Variants in TMTC2 observed in about 807,000 individuals in gnomAD.
TMTC2 encodes the protein protein O-mannosyl-transferase TMTC2.
A neutral mutation model predicts 82.4 loss-of-function variants in TMTC2; 43 were observed. That is an observed-to-expected ratio of 0.52 (90% CI 0.41 to 0.67). The LOEUF (loss-of-function observed/expected upper bound fraction) is 0.67, where lower values mean the gene tolerates loss of function less well. Ranked by LOEUF, TMTC2 falls within the 30% of genes least tolerant of loss-of-function variation. TMTC2 has a pLI of 0.00. For synonymous variants in TMTC2, 408 were observed against 381.9 expected (o/e 1.07, Z -0.80); for missense variants, 919 against 1,012.4 (o/e 0.91, Z 1.25).
intron 11 of TMTC2, among the ~76,000 whole-genome samples, chr12:83,130,626 T>C (rs1885231385): frequency 6.6e-6 from 1 of 152,186 alleles, no homozygotes; most frequent in South Asian, 2.1e-4. Flanking sequence ...CATATGTAGC[T>C]ATTGAAATCA....
chr12:82,958,556 A>C (rs1337664675), intron 4 of TMTC2, among the ~76,000 whole-genome samples: 1 of 152,092 alleles, frequency 6.6e-6, no homozygotes, highest in Non-Finnish European at 1.5e-5. Context: ...GTGATTCGCC[A>C]CATAAGTAAA....
intron 1 of TMTC2, 70 bp downstream of exon 1, chr12:82,687,739 C>T (rs1453650631): frequency 4.8e-6 from 7 of 1,462,844 alleles, no homozygotes; most frequent in Non-Finnish European, 6.6e-6. Context: ...AAGCTTCCCT[C>T]TTTAAGGCTC....
intron 11 of TMTC2, among the ~76,000 whole-genome samples, chr12:83,077,428 A>T (rs1165220855): frequency 6.6e-6 from 1 of 152,140 alleles, no homozygotes; most frequent in South Asian, 2.1e-4. Context: ...TCTAATTTTC[A>T]TCAAACCTAC....
At chr12:82,951,722 G>GT (rs1877356771) in intron 4 of TMTC2, among the ~76,000 whole-genome samples, 1 of 152,122 alleles carries the variant, frequency 6.6e-6, no homozygotes, top group Non-Finnish European at 1.5e-5. Flanking sequence ...TTTAAAATAT[G>GT]TATTCAATTA....
intron 8 of TMTC2, among the ~76,000 whole-genome samples, chr12:82,990,526 G>C (rs1411710399): frequency 6.6e-6 from 1 of 151,992 alleles, no homozygotes; most frequent in Admixed American, 6.6e-5. Flanking sequence ...TTTCTTCCGT[G>C]AAGTCTTGCC....
chr12:82,885,945 A>AAT (rs1873077223), intron 2 of TMTC2, among the ~76,000 whole-genome samples: 1 of 152,154 alleles, frequency 6.6e-6, no homozygotes, highest in Admixed American at 6.6e-5. Context: ...GAGGTTGGAG[A>AAT]ATATATATAA....
chr12:83,108,602 C>G (rs1175747193), intron 11 of TMTC2, among the ~76,000 whole-genome samples: 2 of 151,356 alleles, frequency 1.3e-5, no homozygotes, highest in African/African-American at 4.9e-5. Context: ...TGCACTCCAG[C>G]CTGGGTGACA....
chr12:82,910,277 T>C (rs1455533247), intron 3 of TMTC2, among the ~76,000 whole-genome samples: 1 of 152,192 alleles, frequency 6.6e-6, no homozygotes, highest in Non-Finnish European at 1.5e-5. Context: ...TTAGAAATCT[T>C]ACTGAAATGG....
chr12:83,061,787 G>T lies in TMTC2; in HGVS notation c.2287G>T (p.Ala763Ser). The T allele has an allele frequency of 6.3e-7, 1 of 1,595,572 alleles. No individual in the cohort carries two copies. Among genetic ancestry groups the T allele is most frequent in the South Asian group, 1.2e-5 (1 of 85,978 alleles). Residue 763 changes from alanine to serine, a missense_variant, in exon 11 of 12, where the codon GCA (alanine) becomes TCA (serine). Coordinates refer to ENST00000321196, the MANE Select transcript of TMTC2 (RefSeq NM_152588.3). ...HMLRQASLNE[A>S]AEKYYDLAAR... ...TTACAGACAGGCTAGCCTCAATGAA[G>T]CAGCTGAGAAGTATTATGATCTGGC...
chr12:82,935,847 G>C (rs1248351113), intron 4 of TMTC2, among the ~76,000 whole-genome samples: 1 of 151,866 alleles, frequency 6.6e-6, no homozygotes, highest in Non-Finnish European at 1.5e-5. Flanking sequence ...AAGAATCTTA[G>C]TAAATATCCA....
intron 9 of TMTC2, among the ~76,000 whole-genome samples, chr12:83,032,126 C>A (rs1881452260): frequency 6.6e-6 from 1 of 151,766 alleles, no homozygotes; most frequent in Admixed American, 6.6e-5. Context: ...TAAAAGGCTG[C>A]CTGTCATTGC....
intron 11 of TMTC2, among the ~76,000 whole-genome samples, chr12:83,073,890 G>A (rs1019740334): frequency 1.3e-5 from 2 of 151,996 alleles, no homozygotes; most frequent in Non-Finnish European, 2.9e-5. Flanking sequence ...TCTTATATCA[G>A]TTTTTGGATT....
chr12:82,982,969 ACG>A (rs1878991346), intron 7 of TMTC2, among the ~76,000 whole-genome samples: 1 of 152,000 alleles, frequency 6.6e-6, no homozygotes, highest in Non-Finnish European at 1.5e-5. Flanking sequence ...GCAATGAGAT[ACG>A]TTTATAAAGC....
At chr12:83,059,239 A>G (rs1395941949) in intron 10 of TMTC2, among the ~76,000 whole-genome samples, 1 of 151,850 alleles carries the variant, frequency 6.6e-6, no homozygotes, top group East Asian at 1.9e-4. Context: ...ATATTGATTA[A>G]TGATTCAATC....
chr12:83,006,615 G>T (rs1205326975), intron 8 of TMTC2, among the ~76,000 whole-genome samples: 3 of 152,126 alleles, frequency 2.0e-5, no homozygotes, highest in Admixed American at 2.0e-4. Context: ...ATAGCAAAAG[G>T]ATTATAAATC....
chr12:82,943,513 G>A (rs543288358), intron 4 of TMTC2, among the ~76,000 whole-genome samples: 4 of 152,254 alleles, frequency 2.6e-5, no homozygotes, highest in African/African-American at 7.2e-5. Context: ...AGTTTTGGAG[G>A]TATCTTTTTT....
intron 1 of TMTC2, among the ~76,000 whole-genome samples, chr12:82,733,853 G>A (rs1407248395): frequency 6.6e-6 from 1 of 152,208 alleles, no homozygotes; most frequent in Non-Finnish European, 1.5e-5. Flanking sequence ...TTACATAGCT[G>A]TGGAACTGGT....
At chr12:82,780,127 C>T (rs550521381) in intron 1 of TMTC2, among the ~76,000 whole-genome samples, 7 of 152,258 alleles carry the variant, frequency 4.6e-5, no homozygotes, top group South Asian at 2.1e-4. Flanking sequence ...AGCACGTCCA[C>T]GCCAGTTGTA....
chr12:82,876,967 C>A (rs989987724), intron 2 of TMTC2, among the ~76,000 whole-genome samples: 9 of 152,040 alleles, frequency 5.9e-5, no homozygotes, highest in African/African-American at 2.2e-4. Flanking sequence ...AAATTTTTAT[C>A]TATTTTAAGA....
Sources: allele counts gnomAD v4.1 joint callset (sites outside exome capture counted in the v4.1 genomes callset), GRCh38; gene constraint gnomAD v4.1.1; transcripts MANE v1.5; gene names NCBI Gene and HGNC (gene_info 2026-07-23, HGNC 2026-07-21).